The following CLDN16 variants were observed in gnomAD, a reference collection of about 807,000 sequenced individuals.
The protein encoded by CLDN16 is claudin 16.
A neutral mutation model predicts 24.6 loss-of-function variants in CLDN16; 13 were observed. That is an observed-to-expected ratio of 0.53 (90% CI 0.34 to 0.84). The LOEUF is 0.84. Among genes scored for constraint, CLDN16 ranks in the 40% least tolerant of loss-of-function variants. The probability of loss-of-function intolerance (pLI) is 0.01; values close to 1 mark genes in which losing one functional copy is unlikely to be tolerated. For synonymous variants in CLDN16, 116 were observed against 106.7 expected (o/e 1.09, Z -0.54); for missense variants, 298 against 292.7 (o/e 1.02, Z -0.13).
At chr3:190,322,532 C>A (rs72466471), upstream of CLDN16, 12,361 of 299,686 alleles carry the variant, frequency 0.041, 350 homozygotes, top group South Asian at 0.099. Flanking sequence ...GGTTTCAGGG[C>A]GGCTCACCGA....
chr3:190,349,390 G>GC (rs969550252), intron 1 of CLDN16, among the ~76,000 whole-genome samples: 4 of 152,028 alleles, frequency 2.6e-5, no homozygotes, highest in African/African-American at 7.2e-5. Context: ...GTTTCCTGAG[G>GC]CCCCCCAGCC....
intron 1 of CLDN16, among the ~76,000 whole-genome samples, chr3:190,333,571 TATCTATCTATCA>T (rs143711241): frequency 0.28 from 37,519 of 134,358 alleles, 4,773 homozygotes; most frequent in East Asian, 0.38. Flanking sequence ...TCTATCTATC[TATCTATCTATCA>T]ATCATCTTTC....
intron 1 of CLDN16, among the ~76,000 whole-genome samples, chr3:190,326,712 C>T (rs757951534): frequency 6.6e-6 from 1 of 152,078 alleles, no homozygotes; most frequent in African/African-American, 2.4e-5. Flanking sequence ...CATAAAACTT[C>T]CCCCATAGAT....
intron 1 of CLDN16, among the ~76,000 whole-genome samples, chr3:190,369,459 C>A (rs1479752634): frequency 1.3e-5 from 2 of 151,838 alleles, no homozygotes; most frequent in Non-Finnish European, 2.9e-5. Flanking sequence ...ATTACCATGT[C>A]ATTTTTATTA....
chr3:190,352,869 C>T (rs1453892031), intron 1 of CLDN16, among the ~76,000 whole-genome samples: 1 of 151,860 alleles, frequency 6.6e-6, no homozygotes, highest in Non-Finnish European at 1.5e-5. Context: ...TGGTTTTAAA[C>T]AATTAGGATA....
intron 1 of CLDN16, among the ~76,000 whole-genome samples, chr3:190,335,485 C>T (rs1045756829): frequency 4.6e-5 from 7 of 151,914 alleles, no homozygotes; most frequent in Admixed American, 2.6e-4. Flanking sequence ...GAGGCCGAAA[C>T]GGGTGGATCA....
Position 190,338,650 on chromosome 3 carries a change from G to A in CLDN16, n.121+15989G>A, listed in dbSNP as rs1717362966. Among the ~76,000 whole-genome samples, 4 of 152,206 alleles carry A rather than the reference G, an allele frequency of 2.6e-5. 1 individual carries two copies. In the South Asian group the frequency reaches 8.3e-4, roughly 32 times the overall value. On this transcript the variant is annotated intron_variant and non_coding_transcript_variant, in intron 1 of 4. Transcript: ENST00000468220. The stretch of plus-strand genomic sequence containing the variant: ...GTAAAAGGAATCTATAATTGTAGCT[G>A]ACAGGGATAATGTGTATTATTGACA...
At chr3:190,351,487 T>G (rs1462169580) in intron 1 of CLDN16, among the ~76,000 whole-genome samples, 1 of 152,192 alleles carries the variant, frequency 6.6e-6, no homozygotes, top group Non-Finnish European at 1.5e-5. Context: ...TTTTCTCATG[T>G]GTAAAATGTA....
chr3:190,347,165 G>T (rs1335412268), intron 1 of CLDN16, among the ~76,000 whole-genome samples: 1 of 152,146 alleles, frequency 6.6e-6, no homozygotes, highest in African/African-American at 2.4e-5. Flanking sequence ...GACCAGCTAG[G>T]AAACGATTGC....
chr3:190,407,855 T>C (rs1409631627), intron 3 of CLDN16, among the ~76,000 whole-genome samples: 2 of 152,156 alleles, frequency 1.3e-5, no homozygotes, highest in African/African-American at 2.4e-5. Flanking sequence ...CAAAAGGGGG[T>C]ACAGGGAGCA....
chr3:190,405,381 C>T (rs576055936), intron 3 of CLDN16, among the ~76,000 whole-genome samples: 17 of 144,054 alleles, frequency 1.2e-4, no homozygotes, highest in Non-Finnish European at 1.5e-4. Context: ...GCAGAGATCG[C>T]GCCACTGCAC....
chr3:190,319,267 G>T (rs1716855255), upstream of CLDN16, among the ~76,000 whole-genome samples: 1 of 152,138 alleles, frequency 6.6e-6, no homozygotes, highest in South Asian at 2.1e-4. Context: ...ACTGTATCTG[G>T]CACTTTTTGT....
chr3:190,403,779 A>T (rs1719020819), intron 2 of CLDN16, among the ~76,000 whole-genome samples: 1 of 152,180 alleles, frequency 6.6e-6, no homozygotes, highest in African/African-American at 2.4e-5. Flanking sequence ...GATTTTCTTA[A>T]TTCTTTTTCT....
At chr3:190,396,762 A>G (rs1348516870) in intron 1 of CLDN16, among the ~76,000 whole-genome samples, 2 of 152,228 alleles carry the variant, frequency 1.3e-5, no homozygotes, top group Non-Finnish European at 2.9e-5. Context: ...ATAGAAAGTG[A>G]TAAATGCCAG....
chr3:190,364,506 T>A (rs1436649036), intron 1 of CLDN16, among the ~76,000 whole-genome samples: 1 of 151,956 alleles, frequency 6.6e-6, no homozygotes, highest in African/African-American at 2.4e-5. Context: ...CCTCCATCTC[T>A]ACCAGATCCC....
intron 1 of CLDN16, among the ~76,000 whole-genome samples, chr3:190,366,314 A>G (rs1046103710): frequency 6.6e-6 from 1 of 151,964 alleles, no homozygotes; most frequent in Non-Finnish European, 1.5e-5. Flanking sequence ...GTTCATCACC[A>G]GTGAAACTTT....
At chr3:190,310,825 G>A in the CLDN16 span, among the ~76,000 whole-genome samples, 2 of 152,152 alleles carry the variant, frequency 1.3e-5, no homozygotes, top group African/African-American at 2.4e-5. Context: ...CCTGAGATTT[G>A]TTGAGGGTGC....
At chr3:190,350,546 A>G (rs1232246900) in intron 1 of CLDN16, among the ~76,000 whole-genome samples, 2 of 152,206 alleles carry the variant, frequency 1.3e-5, no homozygotes, top group Non-Finnish European at 2.9e-5. Flanking sequence ...GTCATGAAAA[A>G]TATCACAGGT....
intron 1 of CLDN16, among the ~76,000 whole-genome samples, chr3:190,354,186 T>C (rs954362745): frequency 2.0e-5 from 3 of 152,028 alleles, no homozygotes; most frequent in African/African-American, 7.2e-5. Context: ...TTGATAATCA[T>C]AGTTGCAGAG....
Sources: allele counts gnomAD v4.1 joint callset (sites outside exome capture counted in the v4.1 genomes callset), GRCh38; gene constraint gnomAD v4.1.1; transcripts MANE v1.5; gene names NCBI Gene and HGNC (gene_info 2026-07-23, HGNC 2026-07-21).